CSNK2A1: variants seen among roughly 807,000 people sequenced by gnomAD.
The protein encoded by CSNK2A1 is casein kinase II subunit alpha.
In CSNK2A1, 10 loss-of-function variants were observed where a neutral mutation model predicts 62.9. The ratio of observed to expected loss-of-function variants is 0.16; its 90% CI spans 0.10 to 0.27. The LOEUF (loss-of-function observed/expected upper bound fraction) is 0.27. CSNK2A1 is among the 10% of genes least tolerant of loss of function. The pLI, the probability that CSNK2A1 is intolerant of heterozygous loss-of-function variation, is 1.00. For missense variants in CSNK2A1, 160 were observed against 492.0 expected, an observed-to-expected ratio of 0.33 and a Z score of 6.38; for synonymous variants, 124 against 167.8, an observed-to-expected ratio of 0.74 and a Z score of 2.02.
intron 2 of CSNK2A1, among the ~76,000 whole-genome samples, chr20:527,480 T>C: frequency 6.6e-6 from 1 of 152,196 alleles, no homozygotes; most frequent in Non-Finnish European, 1.5e-5. Flanking sequence ...TGCCTTCCAA[T>C]AGTGCTTGCT....
chr20:495,947 CAG>C, intron 7 of CSNK2A1, 145 bp from the exon 8 acceptor site: 2 of 637,542 alleles, frequency 3.1e-6, no homozygotes, highest in South Asian at 1.8e-5. Flanking sequence ...AGCAATGCTT[CAG>C]AGACTTGTTC....
At chr20:535,253 A>G (rs2019293375) in intron 1 of CSNK2A1, among the ~76,000 whole-genome samples, 1 of 152,096 alleles carries the variant, frequency 6.6e-6, no homozygotes, top group African/African-American at 2.4e-5. Context: ...CACTGGAAGG[A>G]AAAATGAACT....
chr20:490,335 C>CTTTTCTT (rs1430310808), intron 9 of CSNK2A1, among the ~76,000 whole-genome samples: 3 of 84,802 alleles, frequency 3.5e-5, no homozygotes, highest in African/African-American at 1.1e-4. Context: ...CTAGTTTTTT[C>CTTTTCTT]TTTTTTTTTT....
At chr20:516,901 G>A (rs1260504507) in intron 2 of CSNK2A1, among the ~76,000 whole-genome samples, 1 of 152,038 alleles carries the variant, frequency 6.6e-6, no homozygotes, top group Non-Finnish European at 1.5e-5. Flanking sequence ...CATAGCAAAT[G>A]AACAAGATCT....
At chr20:501,910 G>A (rs2018480095) in intron 4 of CSNK2A1, 3 of 151,984 alleles carry the variant, frequency 2.0e-5, no homozygotes, top group African/African-American at 7.3e-5. Context: ...ATACTTTCCA[G>A]GCTGATGATC....
In CSNK2A1 at chr20:525,449, G is replaced by A. The variant is rs541487541; in HGVS notation, c.-110+2484C>T. ...GGGCGGATCACGAGGTCAGAAGATC[G>A]AGACCACCCTGGCTAACATGGTGAA... is the stretch of plus-strand genomic sequence containing the variant. On this transcript the variant is annotated intron_variant, in intron 2 of 13. Transcript: ENST00000217244. 2.1e-3 allele frequency among the ~76,000 whole-genome samples: 320 copies of A among 151,000 alleles called. 4 individuals are homozygous for A. Among genetic ancestry groups the A allele is most frequent in the Non-Finnish European group, 8.1e-4 (55 of 67,732 alleles).
At position 473,616 on chromosome 20, in the gene CSNK2A1, G is replaced by T. The variant is rs1351607882; in HGVS notation, c.*10345C>A. 6.6e-6 allele frequency: 1 copy of T among 152,236 alleles called. No individual in the cohort carries two copies. Among genetic ancestry groups the T allele is most frequent in the African/African-American group, 2.4e-5 (1 of 41,412 alleles). The allele number at this position is 152,236 out of a possible 1,614,324, so 9.4% of individuals were successfully genotyped here. On this transcript the variant is annotated 3_prime_UTR_variant, in exon 14 of 14. Transcript: ENST00000217244. ...GCCATTGTCTTCTTCCAGATCTTGA[G>T]ACATTTTATTAAAACTTTCTCCAAT...
intron 13 of CSNK2A1, among the ~76,000 whole-genome samples, chr20:484,332 A>C (rs2018020396): frequency 6.6e-6 from 1 of 152,212 alleles, no homozygotes; most frequent in African/African-American, 2.4e-5. Flanking sequence ...CGATTAAGCA[A>C]GTGGCAACCA....
intron 3 of CSNK2A1, chr20:508,122 T>C (rs904874580): frequency 4.1e-5 from 8 of 193,714 alleles, no homozygotes; most frequent in African/African-American, 2.3e-5. Flanking sequence ...TCAGCTCTCT[T>C]ATAATCTTAT....
At chr20:520,331 C>T (rs2018918755) in intron 2 of CSNK2A1, among the ~76,000 whole-genome samples, 2 of 151,982 alleles carry the variant, frequency 1.3e-5, no homozygotes, top group Non-Finnish European at 2.9e-5. Context: ...AAACTTATTA[C>T]AAAGCTATAG....
intron 13 of CSNK2A1, among the ~76,000 whole-genome samples, chr20:486,161 C>T (rs910093395): frequency 1.3e-5 from 2 of 151,976 alleles, no homozygotes; most frequent in African/African-American, 2.4e-5. Flanking sequence ...AAATTTTCAG[C>T]CAGGAATGCT....
At chr20:523,191 T>G (rs1174280832) in intron 2 of CSNK2A1, among the ~76,000 whole-genome samples, 1 of 152,214 alleles carries the variant, frequency 6.6e-6, no homozygotes, top group Admixed American at 6.5e-5. Flanking sequence ...ACATTGCTAG[T>G]GTGAACGCAA....
At chr20:494,493 C>T (rs2018304475) in intron 8 of CSNK2A1, 1 of 152,178 alleles carries the variant, frequency 6.6e-6, no homozygotes, top group East Asian at 1.9e-4. Flanking sequence ...TAAGCATTTT[C>T]CAAAATGCCA....
At chr20:505,028 A>G in intron 4 of CSNK2A1, 90 bp downstream of exon 4, 1 of 1,144,164 alleles carries the variant, frequency 8.7e-7, no homozygotes, top group Non-Finnish European at 1.2e-6. Context: ...TGGCACCAAA[A>G]ACCTTTTAAA....
At chr20:511,474 G>T (rs2018717002) in intron 2 of CSNK2A1, among the ~76,000 whole-genome samples, 1 of 152,132 alleles carries the variant, frequency 6.6e-6, no homozygotes, top group Non-Finnish European at 1.5e-5. Context: ...TGAAAACTAT[G>T]TATCCACTAA....
chr20:528,754 G>A (rs1026184273), intron 1 of CSNK2A1, among the ~76,000 whole-genome samples: 10 of 151,446 alleles, frequency 6.6e-5, no homozygotes, highest in Non-Finnish European at 1.0e-4. Context: ...GAGCCACCAT[G>A]CCCAGCCAGA....
At chr20:484,691 T>TG (rs1491223295) in intron 13 of CSNK2A1, among the ~76,000 whole-genome samples, 59 of 132,382 alleles carry the variant, frequency 4.5e-4, no homozygotes, top group African/African-American at 1.9e-3. Flanking sequence ...TCTAATCATG[T>TG]TTTTGTGTGT....
At chr20:498,335 CTT>C (rs11477158) in intron 6 of CSNK2A1, 69 of 119,646 alleles carry the variant, frequency 5.8e-4, no homozygotes, top group South Asian at 1.4e-3. Flanking sequence ...ATGGACATAT[CTT>C]TTTTTTTTTT....
rs191244406 is a variant in CSNK2A1 at position 486,423 on chromosome 20, C to T, written c.1013G>A (p.Ser338Asn). The change falls in exon 13 of 14, where the codon AGC becomes AAC. Residue 338 changes from serine (S) to asparagine (N), a missense_variant. Coordinates refer to ENST00000217244, the MANE Select transcript of CSNK2A1 (RefSeq NM_177559.3). ...GACGGGCGTACTGCCCCCTGGCATG[C>T]TAGATGAACCCATTCGAGCCTGGTC... ...VKDQARMGSS[S>N]MPGGSTPVSS... The T allele has an allele frequency of 4.3e-6, 7 of 1,613,358 alleles. No individual in the cohort carries two copies. In the East Asian group the frequency reaches 1.6e-4, roughly 36 times the overall value.
Sources: allele counts gnomAD v4.1 joint callset (sites outside exome capture counted in the v4.1 genomes callset), GRCh38; gene constraint gnomAD v4.1.1; transcripts MANE v1.5; gene names NCBI Gene and HGNC (gene_info 2026-07-23, HGNC 2026-07-21).